DRC2: variants seen among roughly 807,000 people sequenced by gnomAD.
DRC2 encodes the protein coiled-coil domain containing 65.
the DRC2 span, among the ~76,000 whole-genome samples, chr12:48,917,503 C>T: frequency 1.3e-5 from 2 of 151,664 alleles, no homozygotes; most frequent in African/African-American, 4.9e-5. Flanking sequence ...ATGCTCAAGG[C>T]TACTAGAAGT....
the DRC2 span, among the ~76,000 whole-genome samples, chr12:48,907,106 TC>T: frequency 6.6e-6 from 1 of 151,890 alleles, no homozygotes; most frequent in East Asian, 1.9e-4. Context: ...TCCCAGCTAC[TC>T]GGGAGGCTGA....
the DRC2 span, among the ~76,000 whole-genome samples, chr12:48,913,201 C>T: frequency 6.6e-6 from 1 of 151,856 alleles, no homozygotes; most frequent in Non-Finnish European, 1.5e-5. Flanking sequence ...TCAAAGCACC[C>T]ATTTCTCCAA....
At chr12:48,918,476 A>G in the DRC2 span, 2 of 1,613,038 alleles carry the variant, frequency 1.2e-6, no homozygotes, top group Non-Finnish European at 1.7e-6. Flanking sequence ...ACTACAGGTT[A>G]GTGTAGCCAC....
At chr12:48,917,102 A>T in the DRC2 span, 5 of 1,614,058 alleles carry the variant, frequency 3.1e-6, no homozygotes, top group South Asian at 5.5e-5. Context: ...ATGATCTCAA[A>T]AACATGGTAC....
the DRC2 span, chr12:48,917,097 C>A: frequency 6.2e-7 from 1 of 1,613,976 alleles, no homozygotes. Flanking sequence ...GTGGAATGAT[C>A]TCAAAAACAT....
At chr12:48,904,459 G>T in the DRC2 span, 3 of 1,613,946 alleles carry the variant, frequency 1.9e-6, no homozygotes, top group South Asian at 2.2e-5. Context: ...TCCTCAGCCA[G>T]TTCTTGAAGG....
the DRC2 span, among the ~76,000 whole-genome samples, chr12:48,916,673 T>G: frequency 7.3e-6 from 1 of 137,900 alleles, no homozygotes; most frequent in African/African-American, 2.8e-5. Context: ...ACTACCCACT[T>G]TCAACTATCA....
chr12:48,917,957 C>G, the DRC2 span, among the ~76,000 whole-genome samples: 4 of 152,154 alleles, frequency 2.6e-5, no homozygotes, highest in Admixed American at 2.6e-4. Flanking sequence ...CAAAAACATC[C>G]AAATTTTCAG....
the DRC2 span, among the ~76,000 whole-genome samples, chr12:48,919,757 T>C: frequency 6.6e-6 from 1 of 151,430 alleles, no homozygotes; most frequent in African/African-American, 2.4e-5. Context: ...ACCTCAGCGA[T>C]CCACCCACTT....
chr12:48,907,457 CAGCTTATGATAACA>C, the DRC2 span, among the ~76,000 whole-genome samples: 1 of 152,270 alleles, frequency 6.6e-6, no homozygotes, highest in Admixed American at 6.5e-5. Flanking sequence ...AGCAGCCTTG[CAGCTTATGATAACA>C]GTTCTTGCTT....
chr12:48,920,862 G>A, the DRC2 span: 6 of 1,495,706 alleles, frequency 4.0e-6, no homozygotes, highest in Non-Finnish European at 5.4e-6. Flanking sequence ...TCAAACAGGG[G>A]AACCAACTCC....
At chr12:48,912,331 G>A in the DRC2 span, among the ~76,000 whole-genome samples, 2 of 151,196 alleles carry the variant, frequency 1.3e-5, no homozygotes, top group Non-Finnish European at 2.9e-5. Flanking sequence ...TCAGGAGGCT[G>A]AGGCAGGAGA....
chr12:48,913,043 A>G, the DRC2 span, among the ~76,000 whole-genome samples: 1 of 147,790 alleles, frequency 6.8e-6, no homozygotes, highest in Non-Finnish European at 1.5e-5. Context: ...AAGCTGAGGC[A>G]GGAATCGTTT....
At chr12:48,904,385 CA>C in the DRC2 span, 6 of 1,614,094 alleles carry the variant, frequency 3.7e-6, no homozygotes, top group Non-Finnish European at 5.1e-6. Context: ...CGATGAGAAG[CA>C]GCTGCTTCTG....
chr12:48,905,599 A>G, the DRC2 span, among the ~76,000 whole-genome samples: 4 of 152,128 alleles, frequency 2.6e-5, no homozygotes, highest in African/African-American at 9.7e-5. Flanking sequence ...CATGGGTAAG[A>G]GCAGTTCTGG....
At chr12:48,914,434 G>C in the DRC2 span, 1 of 1,613,520 alleles carries the variant, frequency 6.2e-7, no homozygotes, top group Non-Finnish European at 8.5e-7. Context: ...CGAAGCCGAG[G>C]AGCAGTACGC....
chr12:48,920,857 C>T, the DRC2 span: 1 of 1,460,706 alleles, frequency 6.8e-7, no homozygotes, highest in East Asian at 2.3e-5. Context: ...TGGGTTCAAA[C>T]AGGGGAACCA....
chr12:48,916,667 C>T, the DRC2 span, among the ~76,000 whole-genome samples: 2 of 144,946 alleles, frequency 1.4e-5, no homozygotes, highest in Admixed American at 1.4e-4. Context: ...GGACCAACTA[C>T]CCACTTTCAA....
At chr12:48,912,878 C>T in the DRC2 span, among the ~76,000 whole-genome samples, 1 of 151,012 alleles carries the variant, frequency 6.6e-6, no homozygotes, top group South Asian at 2.1e-4. Context: ...TGGCTCACGC[C>T]CATAATCCCA....
Sources: allele counts gnomAD v4.1 joint callset (sites outside exome capture counted in the v4.1 genomes callset), GRCh38; gene constraint gnomAD v4.1.1; transcripts MANE v1.5; gene names NCBI Gene and HGNC (gene_info 2026-07-23, HGNC 2026-07-21).